Variants in PPL observed in about 807,000 individuals in gnomAD.
PPL encodes periplakin, also known as 190 kDa paraneoplastic pemphigus antigen.
Under a neutral mutation model 194.4 loss-of-function variants are expected in PPL, and 198 were observed. The ratio of observed to expected loss-of-function variants is 1.02; its 90% CI spans 0.91 to 1.15. The LOEUF (loss-of-function observed/expected upper bound fraction) is 1.15. Ranked by LOEUF, PPL falls within the 50% of genes most tolerant of loss-of-function variation. The probability of loss-of-function intolerance (pLI) is 0.00; values close to 1 mark genes in which losing one functional copy is unlikely to be tolerated. For synonymous variants in PPL, 1,220 were observed against 972.4 expected, an observed-to-expected ratio of 1.25 and a Z score of -4.74; for missense variants, 2,885 against 2,294.8, an observed-to-expected ratio of 1.26 and a Z score of -5.25.
At chr16:4,899,154 C>G (rs749149899) in intron 7 of PPL, 34 bp from the exon 8 acceptor site, 3 of 1,613,516 alleles carry the variant, frequency 1.9e-6, no homozygotes, top group Non-Finnish European at 2.5e-6. Flanking sequence ...GCCTCAGTGC[C>G]CAGCCTGGCG....
chr16:4,890,225 C>CT lies in PPL; in HGVS notation c.2271dup (p.Asp758ArgfsTer19), dbSNP rs2088293410. On this transcript the variant is annotated frameshift_variant, in exon 18 of 22. Coordinates refer to ENST00000345988, the MANE Select transcript of PPL (RefSeq NM_002705.5). LOFTEE classifies it high-confidence loss of function. ...TTGGTCTCCATCTGGCTGAGGCTGT[C>CT]TGTCTCCTGGGGCTCGTAACTGGGG... 6.2e-7 allele frequency: 1 copy of CT among 1,614,072 alleles called. No individual in the cohort carries two copies. Among genetic ancestry groups the CT allele is most frequent in the Non-Finnish European group, 8.5e-7 (1 of 1,180,038 alleles).
intron 1 of PPL, among the ~76,000 whole-genome samples, chr16:4,924,354 T>G (rs913211469): frequency 6.6e-6 from 1 of 152,144 alleles, no homozygotes; most frequent in African/African-American, 2.4e-5. Context: ...ACAGCCCATG[T>G]CACGGGGCCA....
In PPL at chr16:4,904,060, G is replaced by C. The variant is rs1224951559; in HGVS notation, c.163-20C>G. On this transcript the variant is annotated intron_variant, in intron 2 of 21. Transcript: ENST00000345988. ...CAGGTCCTGTGAGGGTCACAAGAGA[G>C]GGGACAATGAACAGGAGCCGAGAGC... The C allele has an allele frequency of 6.2e-7, 1 of 1,607,534 alleles. No homozygotes were observed. Among genetic ancestry groups the C allele is most frequent in the African/African-American group, 1.3e-5 (1 of 74,998 alleles).
intron 6 of PPL, among the ~76,000 whole-genome samples, chr16:4,900,102 G>A (rs1313926831): frequency 6.6e-6 from 1 of 152,150 alleles, no homozygotes; most frequent in East Asian, 1.9e-4. Context: ...GAGGAAGCAT[G>A]GCTCCTTATA....
At position 4,936,929 on chromosome 16, in the gene PPL, TG is replaced by T. The variant is rs1176010568; in HGVS notation, c.62+54del. The T allele has an allele frequency of 1.8e-5, 28 of 1,530,460 alleles. No homozygotes were observed. In the African/African-American group the frequency reaches 2.7e-4, roughly 15 times the overall value. The allele number at this position is 1,530,460 out of a possible 1,614,324, so 94.8% of individuals were successfully genotyped here. ...ACTGCCCGGGAGGTCTTCCAGGTCC[TG>T]TGCGCCCACAGGGGCAAGAGCGTCC... On this transcript the variant is annotated intron_variant, in intron 1 of 21. Transcript: ENST00000345988.
intron 1 of PPL, among the ~76,000 whole-genome samples, chr16:4,936,594 C>G (rs1568073930): frequency 1.3e-5 from 2 of 152,334 alleles, no homozygotes; most frequent in East Asian, 1.9e-4. Context: ...GTGCCCGGTC[C>G]TCCAAAAACT....
chr16:4,914,447 G>A (rs2088880111), intron 1 of PPL, among the ~76,000 whole-genome samples: 1 of 152,184 alleles, frequency 6.6e-6, no homozygotes, highest in South Asian at 2.1e-4. Flanking sequence ...GGCAGAAATG[G>A]CAGCAGCCAA....
chr16:4,887,225 T>G lies in PPL; in HGVS notation c.2517A>C (p.Glu839Asp), dbSNP rs2088233356. The G allele has an allele frequency of 1.9e-6, 3 of 1,613,028 alleles. No individual in the cohort carries two copies. In the East Asian group the frequency reaches 6.7e-5, roughly 36 times the overall value. The change falls in exon 21 of 22, where the codon GAA becomes GAC. Residue 839 changes from glutamate to aspartate, a missense_variant and splice_region_variant. Transcript: ENST00000345988. ...QSPATKVKEE[E>D]AALAAKFTEV... Reference sequence around the variant, plus strand: ...CAGTGAACTTGGCGGCAAGTGCTGCTTCCTGCAGAGAAGAGGATTAGGAGA... The same window carrying G: ...CAGTGAACTTGGCGGCAAGTGCTGCGTCCTGCAGAGAAGAGGATTAGGAGA...
chr16:4,900,434 C>CTTTTTTTTTTTTTTTTTTTTTTT lies in PPL; in HGVS notation c.606+395_606+396insAAAAAAAAAAAAAAAAAAAAAAA, dbSNP rs1217002366. Among the ~76,000 whole-genome samples the CTTTTTTTTTTTTTTTTTTTTTTT allele has an allele frequency of 3.2e-5, 2 of 61,678 alleles. 1 individual carries two copies. The highest frequency in any genetic ancestry group is 6.1e-5 in the Non-Finnish European group (2 of 32,590). The allele number at this position is 61,678 out of a possible 152,430, so 40.5% of individuals were successfully genotyped here. A position where few individuals can be genotyped will look rare whatever the true frequency, so the allele number is the denominator to read the frequency against. On this transcript the variant is annotated intron_variant, in intron 6 of 21. Transcript: ENST00000345988. ...CCTGATTGAAACGTTTACTGCACGC[C>CTTTTTTTTTTTTTTTTTTTTTTT]TTTTTTTTTTTTTTTTTTTTTTAAA...
intron 1 of PPL, among the ~76,000 whole-genome samples, chr16:4,912,806 C>A (rs2088843841): frequency 1.3e-5 from 2 of 152,136 alleles, no homozygotes; most frequent in Non-Finnish European, 2.9e-5. Context: ...TCTCAGAGCG[C>A]CTGAAAGAGA....
rs543652876 is a variant in PPL at position 4,908,357 on chromosome 16, A to G, written c.162+2493T>C. On this transcript the variant is annotated intron_variant, in intron 2 of 21. Coordinates refer to ENST00000345988, the MANE Select transcript of PPL (RefSeq NM_002705.5). ...AAAAAAATAAAATAAAAATGGTTCAAAATTACCTATTTTGAGTCAATACTT... is the reference window on the plus strand; with the variant it reads ...AAAAAAATAAAATAAAAATGGTTCAGAATTACCTATTTTGAGTCAATACTT... Among the ~76,000 whole-genome samples the G allele has an allele frequency of 2.5e-4, 38 of 152,098 alleles. 1 individual carries two copies. Among genetic ancestry groups the G allele is most frequent in the African/African-American group, 8.9e-4 (37 of 41,506 alleles).
chr16:4,935,821 G>A (rs1568072820), intron 1 of PPL, among the ~76,000 whole-genome samples: 1 of 152,190 alleles, frequency 6.6e-6, no homozygotes, highest in Non-Finnish European at 1.5e-5. Flanking sequence ...CTTGCCTAGG[G>A]AAGAAGTGAG....
chr16:4,904,060 G>A lies in PPL; in HGVS notation c.163-20C>T, dbSNP rs1224951559. On this transcript the variant is annotated intron_variant, in intron 2 of 21. Coordinates refer to ENST00000345988, the MANE Select transcript of PPL (RefSeq NM_002705.5). ...CAGGTCCTGTGAGGGTCACAAGAGA[G>A]GGGACAATGAACAGGAGCCGAGAGC... 6.2e-7 allele frequency: 1 copy of A among 1,607,534 alleles called. No individual in the cohort carries two copies. The highest frequency in any genetic ancestry group is 1.1e-5 in the South Asian group (1 of 90,712).
intron 1 of PPL, among the ~76,000 whole-genome samples, chr16:4,926,642 G>A (rs1426093815): frequency 2.0e-5 from 3 of 152,102 alleles, no homozygotes; most frequent in Admixed American, 1.3e-4. Flanking sequence ...TTGGGAGGCC[G>A]AGGCGGGCAG....
intron 2 of PPL, among the ~76,000 whole-genome samples, chr16:4,904,683 C>T (rs1011333028): frequency 2.6e-5 from 4 of 151,842 alleles, no homozygotes; most frequent in South Asian, 2.1e-4. Context: ...ACAGGGCAGG[C>T]GGGGGGCGGG....
At chr16:4,931,167 C>A (rs964328043) in intron 1 of PPL, among the ~76,000 whole-genome samples, 2 of 152,054 alleles carry the variant, frequency 1.3e-5, no homozygotes, top group Non-Finnish European at 2.9e-5. Flanking sequence ...AGTTCAGGAC[C>A]AGAGTGGGCA....
At chr16:4,915,248 G>C (rs992479972) in intron 1 of PPL, among the ~76,000 whole-genome samples, 1 of 152,226 alleles carries the variant, frequency 6.6e-6, no homozygotes, top group Non-Finnish European at 1.5e-5. Context: ...TTGGACTCCT[G>C]ATGGGACAAA....
Position 4,885,137 on chromosome 16 carries a change from T to A in PPL, c.3518A>T (p.Lys1173Met), listed in dbSNP as rs777695071. Residue 1173 changes from lysine to methionine, a missense_variant, in exon 22 of 22, where the codon AAG becomes ATG. Lys to Met is a moderately conservative substitution (Grantham distance 95). Transcript: ENST00000345988. This position sits in a 1 kb window ranked among gnomAD's most constrained non-coding sequence, Gnocchi z 6.3. ...GTCTGGCCGCACGATCTCCCGCACCTTCTCCTGCACCACCACTTTGGCGTT... is the reference window on the plus strand; with the variant it reads ...GTCTGGCCGCACGATCTCCCGCACCATCTCCTGCACCACCACTTTGGCGTT... ...EENAKVVVQEKVREIVRPDPK... is the reference protein window; with the variant it reads ...EENAKVVVQEMVREIVRPDPK... The A allele has an allele frequency of 1.2e-6, 2 of 1,614,050 alleles. No homozygotes were observed. The highest frequency in any genetic ancestry group is 1.1e-5 in the South Asian group (1 of 91,074).
chr16:4,895,208 T>C lies in PPL; in HGVS notation c.1242+53A>G, dbSNP rs1419271508. The C allele has an allele frequency of 9.9e-6, 15 of 1,522,840 alleles. No individual in the cohort carries two copies. The East Asian group carries it at 3.3e-4, about 34-fold the overall frequency. 94.3% of individuals were successfully genotyped at this position (1,522,840 alleles called of 1,614,324 possible). On this transcript the variant is annotated intron_variant, in intron 11 of 21. Transcript: ENST00000345988. ...GCGCCTGAGGCCCGGGATCCAACCA[T>C]GTTACCCCAAAAACTTTGTAGTGAT...
Sources: allele counts gnomAD v4.1 joint callset (sites outside exome capture counted in the v4.1 genomes callset), GRCh38; gene constraint gnomAD v4.1.1; non-coding constraint Gnocchi (gnomAD v3.1); transcripts MANE v1.5; gene names NCBI Gene and HGNC (gene_info 2026-07-23, HGNC 2026-07-21).